The following USP32 variants were observed in gnomAD, a reference collection of about 807,000 sequenced individuals.
The protein encoded by USP32 is ubiquitin carboxyl-terminal hydrolase 32.
A neutral mutation model predicts 204.8 loss-of-function variants in USP32; 59 were observed. The observed-to-expected ratio is 0.29, with a 90% CI of 0.23 to 0.36. The LOEUF is 0.36. USP32 is among the 10% of genes least tolerant of loss of function. The probability of loss-of-function intolerance (pLI) is 1.00; values close to 1 mark genes in which losing one functional copy is unlikely to be tolerated. For missense variants in USP32, 1,160 were observed against 1,946.4 expected (o/e 0.60, Z 7.60); for synonymous variants, 517 against 678.4 (o/e 0.76, Z 3.70).
chr17:60,263,433 T>G (rs2086505328), intron 9 of USP32, among the ~76,000 whole-genome samples: 1 of 152,190 alleles, frequency 6.6e-6, no homozygotes, highest in African/African-American at 2.4e-5. Context: ...TACAATCTAG[T>G]CACCAGCGAA....
chr17:60,256,762 C>T (rs2086318042), intron 9 of USP32: 1 of 1,186,892 alleles, frequency 8.4e-7, no homozygotes, highest in Non-Finnish European at 1.1e-6. Context: ...TGCCAATCTC[C>T]CAAATCAAGT....
chr17:60,242,157 GT>G (rs2085894822), intron 11 of USP32, among the ~76,000 whole-genome samples: 1 of 152,088 alleles, frequency 6.6e-6, no homozygotes, highest in Non-Finnish European at 1.5e-5. Flanking sequence ...GTACAGGCTG[GT>G]ATGAGGTGGC....
At chr17:60,200,755 TAC>T (rs1251660381) in intron 26 of USP32, among the ~76,000 whole-genome samples, 3 of 152,212 alleles carry the variant, frequency 2.0e-5, no homozygotes, top group African/African-American at 7.2e-5. Context: ...TGCTTTTCTT[TAC>T]AGTTTTATAT....
At chr17:60,244,714 C>G (rs1439006306) in intron 11 of USP32, among the ~76,000 whole-genome samples, 1 of 152,316 alleles carries the variant, frequency 6.6e-6, no homozygotes, top group South Asian at 2.1e-4. Flanking sequence ...TTACTGCAAC[C>G]TCTGCCTCCT....
intron 1 of USP32, among the ~76,000 whole-genome samples, chr17:60,411,170 A>T (rs1054180853): frequency 5.9e-5 from 9 of 152,058 alleles, no homozygotes; most frequent in African/African-American, 1.9e-4. Context: ...CTCTGCTAAA[A>T]ATACAAAATT....
At chr17:60,203,386 G>C (rs36057447) in intron 26 of USP32, among the ~76,000 whole-genome samples, 3 of 118,110 alleles carry the variant, frequency 2.5e-5, no homozygotes, top group African/African-American at 1.1e-4. Flanking sequence ...GGGCGACAGA[G>C]CGAGACTGTC....
intron 1 of USP32, among the ~76,000 whole-genome samples, chr17:60,397,599 T>A (rs2089908608): frequency 6.6e-6 from 1 of 152,144 alleles, no homozygotes; most frequent in Admixed American, 6.6e-5. Context: ...TGGACTCAAG[T>A]GATCCTCCCG....
chr17:60,183,056 T>C (rs2084153528), intron 31 of USP32, 109 bp downstream of exon 31: 2 of 1,428,948 alleles, frequency 1.4e-6, no homozygotes, highest in African/African-American at 1.4e-5. Flanking sequence ...TGATTCCAGA[T>C]AGGTTCTTTC....
upstream of USP32, among the ~76,000 whole-genome samples, chr17:60,396,052 C>A (rs536297810): frequency 1.4e-5 from 2 of 138,498 alleles, no homozygotes; most frequent in African/African-American, 5.3e-5. Flanking sequence ...TTTTTATGTA[C>A]ACTAAAGCAC....
intron 2 of USP32, among the ~76,000 whole-genome samples, chr17:60,311,762 T>C (rs1377735572): frequency 6.6e-6 from 1 of 152,154 alleles, no homozygotes; most frequent in Non-Finnish European, 1.5e-5. Context: ...GAGGCGCACG[T>C]TGCAGTGAGC....
chr17:60,388,754 A>G (rs1324809308), intron 1 of USP32, among the ~76,000 whole-genome samples: 1 of 152,236 alleles, frequency 6.6e-6, no homozygotes, highest in African/African-American at 2.4e-5. Context: ...GTACACTTTT[A>G]GAAAACGTTA....
chr17:60,364,034 A>T (rs979985816), intron 1 of USP32, among the ~76,000 whole-genome samples: 1 of 152,200 alleles, frequency 6.6e-6, no homozygotes, highest in Non-Finnish European at 1.5e-5. Context: ...CTCAGATTAG[A>T]TAATTTATAA....
intron 1 of USP32, among the ~76,000 whole-genome samples, chr17:60,403,859 G>A (rs1238233958): frequency 1.3e-5 from 2 of 152,102 alleles, no homozygotes; most frequent in African/African-American, 4.8e-5. Flanking sequence ...GGGTAACATA[G>A]TGAGACTCTA....
upstream of USP32, among the ~76,000 whole-genome samples, chr17:60,394,337 A>G (rs1315457197): frequency 6.6e-6 from 1 of 152,174 alleles, no homozygotes; most frequent in South Asian, 2.1e-4. Context: ...ATATACTACT[A>G]TTATTACTGT....
At chr17:60,278,453 AT>A (rs1391308172) in intron 5 of USP32, among the ~76,000 whole-genome samples, 1 of 152,142 alleles carries the variant, frequency 6.6e-6, no homozygotes, top group Non-Finnish European at 1.5e-5. Flanking sequence ...CATGAAGAGA[AT>A]CTAAGGGTTA....
intron 1 of USP32, among the ~76,000 whole-genome samples, chr17:60,352,542 T>A (rs2088972864): frequency 6.6e-6 from 1 of 152,168 alleles, no homozygotes; most frequent in South Asian, 2.1e-4. Context: ...ACCTAACTGA[T>A]AAAGGTATCA....
At chr17:60,248,339 T>C (rs1321016909) in intron 11 of USP32, among the ~76,000 whole-genome samples, 3 of 152,240 alleles carry the variant, frequency 2.0e-5, no homozygotes, top group African/African-American at 7.2e-5. Flanking sequence ...CAATGATATG[T>C]CTAGGTGTGA....
chr17:60,391,517 A>C (rs767728295), intron 1 of USP32, among the ~76,000 whole-genome samples: 3 of 152,022 alleles, frequency 2.0e-5, no homozygotes, highest in Non-Finnish European at 4.4e-5. Flanking sequence ...TTTATGAAGG[A>C]ATGATAGGAG....
intron 15 of USP32, among the ~76,000 whole-genome samples, chr17:60,221,535 C>T (rs1202303530): frequency 6.7e-6 from 1 of 149,132 alleles, no homozygotes; most frequent in Non-Finnish European, 1.5e-5. Context: ...GACGGAATCT[C>T]GCTCTGTCAC....
Sources: allele counts gnomAD v4.1 joint callset (sites outside exome capture counted in the v4.1 genomes callset), GRCh38; gene constraint gnomAD v4.1.1; transcripts MANE v1.5; gene names NCBI Gene and HGNC (gene_info 2026-07-23, HGNC 2026-07-21).